PDE7A: variants seen among roughly 807,000 people sequenced by gnomAD.
PDE7A encodes the protein phosphodiesterase 7A.
In PDE7A, 39 loss-of-function variants were observed where a neutral mutation model predicts 64.3. The observed-to-expected ratio is 0.61, with a 90% CI of 0.47 to 0.79. The LOEUF (loss-of-function observed/expected upper bound fraction) is 0.79. Ranked by LOEUF, PDE7A falls within the 30% of genes least tolerant of loss-of-function variation. PDE7A has a pLI of 0.00. For missense variants in PDE7A, 470 were observed against 582.8 expected, an observed-to-expected ratio of 0.81 and a Z score of 1.99; for synonymous variants, 203 against 206.8, an observed-to-expected ratio of 0.98 and a Z score of 0.16.
intron 2 of PDE7A, chr8:65,780,806 C>A (rs2128923992): frequency 6.6e-6 from 1 of 152,384 alleles, no homozygotes; most frequent in Middle Eastern, 3.4e-3. Context: ...TCCCTTTGCT[C>A]TTGCAATTTG....
At chr8:65,801,700 G>A (rs1401609537) in intron 1 of PDE7A, among the ~76,000 whole-genome samples, 3 of 152,160 alleles carry the variant, frequency 2.0e-5, no homozygotes, top group African/African-American at 7.2e-5. Context: ...TCAGCTAGGA[G>A]AACATGATAC....
chr8:65,786,533 A>G (rs1333807554), intron 1 of PDE7A, among the ~76,000 whole-genome samples: 1 of 152,250 alleles, frequency 6.6e-6, no homozygotes, highest in Non-Finnish European at 1.5e-5. Flanking sequence ...TCCGTGTTAG[A>G]ATCATGTTGT....
At chr8:65,817,224 T>C (rs1267154129) in intron 1 of PDE7A, among the ~76,000 whole-genome samples, 2 of 152,312 alleles carry the variant, frequency 1.3e-5, no homozygotes, top group East Asian at 3.9e-4. Context: ...AGTGTTCCTA[T>C]ATATGCCTCC....
At chr8:65,757,792 C>T (rs1339651725) in intron 3 of PDE7A, among the ~76,000 whole-genome samples, 1 of 151,934 alleles carries the variant, frequency 6.6e-6, no homozygotes, top group South Asian at 2.1e-4. Flanking sequence ...CTAACTTTTG[C>T]ATTTTTAGTA....
At chr8:65,766,734 A>C (rs886833005) in intron 3 of PDE7A, among the ~76,000 whole-genome samples, 2 of 152,166 alleles carry the variant, frequency 1.3e-5, no homozygotes, top group Non-Finnish European at 2.9e-5. Context: ...AAGTGCCTCA[A>C]ACTTAAATTT....
In PDE7A at chr8:65,734,988, T is replaced by C. The variant is rs1807063990; in HGVS notation, c.596-94A>G. 7.7e-6 allele frequency: 6 copies of C among 782,406 alleles called. No individual in the cohort carries two copies. In the East Asian group the frequency reaches 1.5e-4, roughly 20 times the overall value. 48.5% of individuals were successfully genotyped at this position (782,406 alleles called of 1,614,324 possible). A position where few individuals can be genotyped will look rare whatever the true frequency, so the allele number is the denominator to read the frequency against. On this transcript the variant is annotated intron_variant, in intron 6 of 12. Transcript: ENST00000401827. ...AATTATGAGTTACCCACTCATACTT[T>C]TCATGTAGCTATCGGCTAAAATCGT...
At chr8:65,774,597 A>C (rs1809204209) in intron 3 of PDE7A, among the ~76,000 whole-genome samples, 2 of 151,858 alleles carry the variant, frequency 1.3e-5, no homozygotes, top group East Asian at 3.9e-4. Context: ...TTACCACAGA[A>C]ATTAAGTATT....
rs1295965698 is a variant in PDE7A at position 65,730,171 on chromosome 8, C to CTTCT, written c.697-2871_697-2870insAGAA. ...TGTGAGGGATCCAGGTTGCGCACTTCTTTTTTTTTTTTTTTTTTTTTTTTT... is the reference window on the plus strand; with the variant it reads ...TGTGAGGGATCCAGGTTGCGCACTTCTTCTTTTTTTTTTTTTTTTTTTTTTTTTT... On this transcript the variant is annotated intron_variant, in intron 7 of 12. Coordinates refer to ENST00000401827, the MANE Select transcript of PDE7A (RefSeq NM_001242318.3). Among the ~76,000 whole-genome samples, 56 of 86,450 alleles carry CTTCT rather than the reference C, an allele frequency of 6.5e-4. 7 individuals carry two copies. The highest frequency in any genetic ancestry group is 1.9e-3 in the South Asian group (4 of 2,108). 56.7% of individuals were successfully genotyped at this position (86,450 alleles called of 152,430 possible).
At chr8:65,790,419 T>G (rs1191872704) in intron 1 of PDE7A, among the ~76,000 whole-genome samples, 1 of 152,216 alleles carries the variant, frequency 6.6e-6, no homozygotes, top group Non-Finnish European at 1.5e-5. Context: ...TGGCATGGGC[T>G]GACTGAAGAA....
rs947609227 is a variant in PDE7A at position 65,841,541 on chromosome 8, C to T, written c.-33G>A. On this transcript the variant is annotated 5_prime_UTR_variant, in exon 1 of 13. Coordinates refer to ENST00000401827, the MANE Select transcript of PDE7A (RefSeq NM_001242318.3). Reference sequence around the variant, plus strand: ...GCCCGCCCTGCCTCCGCGCGGCGCCCGCCCTGCCGCGGCCGCCGGCCCCTG... The same window carrying T: ...GCCCGCCCTGCCTCCGCGCGGCGCCTGCCCTGCCGCGGCCGCCGGCCCCTG... The T allele has an allele frequency of 7.2e-6, 10 of 1,387,330 alleles. No individual in the cohort carries two copies. In the Admixed American group the frequency reaches 2.9e-4, roughly 40 times the overall value. The allele number at this position is 1,387,330 out of a possible 1,614,324, so 85.9% of individuals were successfully genotyped here. A position where few individuals can be genotyped will look rare whatever the true frequency, so the allele number is the denominator to read the frequency against.
At chr8:65,721,953 C>G (rs1048795165) in intron 12 of PDE7A, 34 of 151,996 alleles carry the variant, frequency 2.2e-4, no homozygotes, top group African/African-American at 8.2e-4. Flanking sequence ...TCACACCCAG[C>G]TAATTTTTGT....
chr8:65,723,712 A>G, intron 11 of PDE7A, 91 bp from the exon 12 acceptor site: 1 of 889,178 alleles, frequency 1.1e-6, no homozygotes, highest in Non-Finnish European at 1.6e-6. Flanking sequence ...TGCATTTCTT[A>G]GGAAAAACAT....
chr8:65,759,721 T>C (rs1808403678), intron 3 of PDE7A, among the ~76,000 whole-genome samples: 1 of 152,160 alleles, frequency 6.6e-6, no homozygotes, highest in African/African-American at 2.4e-5. Context: ...AGGGGGTTTT[T>C]CCTAAAGGTC....
rs189791200 is a variant in PDE7A, at chr8:65,738,659, G to A, written c.595+843C>T. Reference sequence around the variant, plus strand: ...TGTTGGCCAAGCTGGTCTCCAACTCGTGGCCTCACGTGATCCACCCGCCTC... The same window carrying A: ...TGTTGGCCAAGCTGGTCTCCAACTCATGGCCTCACGTGATCCACCCGCCTC... On this transcript the variant is annotated intron_variant, in intron 6 of 12. Transcript: ENST00000401827. 3.7e-3 allele frequency among the ~76,000 whole-genome samples: 559 copies of A among 151,952 alleles called. 6 individuals are homozygous for A. The highest frequency in any genetic ancestry group is 6.0e-3 in the Non-Finnish European group (410 of 67,946).
rs376045290 is a variant in PDE7A at position 65,716,148 on chromosome 8, CAA to C, written c.*3140_*3141del. Among the ~76,000 whole-genome samples, 12 of 88,556 alleles carry C rather than the reference CAA, an allele frequency of 1.4e-4. No individual in the cohort carries two copies. Among genetic ancestry groups the C allele is most frequent in the Non-Finnish European group, 1.4e-4 (6 of 43,046 alleles). 58.1% of individuals were successfully genotyped at this position (88,556 alleles called of 152,430 possible). A position where few individuals can be genotyped will look rare whatever the true frequency, so the allele number is the denominator to read the frequency against. On this transcript the variant is annotated 3_prime_UTR_variant, in exon 13 of 13. Coordinates refer to ENST00000401827, the MANE Select transcript of PDE7A (RefSeq NM_001242318.3). ...CCTAGTTAGCAGCGAGACCCTGTCTCAAAAAAAAAAAAAAACAAAAGGGCTAT... is the reference window on the plus strand; with the variant it reads ...CCTAGTTAGCAGCGAGACCCTGTCTCAAAAAAAAAAAAACAAAAGGGCTAT...
chr8:65,788,536 A>G (rs1045965961), intron 1 of PDE7A, among the ~76,000 whole-genome samples: 2 of 152,224 alleles, frequency 1.3e-5, no homozygotes, highest in Non-Finnish European at 2.9e-5. Context: ...ATTTTCTCCG[A>G]GAGAATGTTT....
intron 12 of PDE7A, chr8:65,719,750 T>C: frequency 2.2e-6 from 1 of 465,016 alleles, no homozygotes; most frequent in African/African-American, 1.9e-5. Flanking sequence ...TTTCTGGTTA[T>C]CCTTCTCAGT....
intron 1 of PDE7A, among the ~76,000 whole-genome samples, chr8:65,789,671 C>T (rs546028516): frequency 2.2e-4 from 33 of 152,306 alleles, no homozygotes; most frequent in Admixed American, 9.8e-4. Context: ...CTTGTTCTCG[C>T]GGCTGTAAGT....
intron 1 of PDE7A, among the ~76,000 whole-genome samples, chr8:65,813,210 G>A (rs548705918): frequency 6.6e-6 from 1 of 152,116 alleles, no homozygotes; most frequent in Non-Finnish European, 1.5e-5. Context: ...CATAGCTTCT[G>A]ACCCAAGTTC....
Sources: gnomAD v4.1 joint callset for allele counts (sites outside exome capture counted in the v4.1 genomes callset) on GRCh38, gnomAD v4.1.1 for gene constraint, MANE v1.5 for transcripts, NCBI Gene and HGNC (gene_info 2026-07-23, HGNC 2026-07-21) for gene names.